The following ANTXR1 variants were observed in gnomAD, a reference collection of about 807,000 sequenced individuals.
ANTXR1 encodes anthrax toxin receptor 1.
Under a neutral mutation model 78.1 loss-of-function variants are expected in ANTXR1, and 19 were observed. The observed-to-expected ratio is 0.24, with a 90% CI of 0.17 to 0.36. ANTXR1 has a LOEUF of 0.36. ANTXR1 is among the 10% of genes least tolerant of loss of function. The probability of loss-of-function intolerance (pLI) is 1.00; values close to 1 mark genes in which losing one functional copy is unlikely to be tolerated. For synonymous variants in ANTXR1, 273 were observed against 260.5 expected, an observed-to-expected ratio of 1.05 and a Z score of -0.46; for missense variants, 518 against 718.6, an observed-to-expected ratio of 0.72 and a Z score of 3.19.
chr2:69,155,665 G>T (rs1457888449), intron 13 of ANTXR1, among the ~76,000 whole-genome samples: 1 of 152,128 alleles, frequency 6.6e-6, no homozygotes, highest in Non-Finnish European at 1.5e-5. Flanking sequence ...TGTGTAGGGG[G>T]GAAAGTCATC....
intron 14 of ANTXR1, among the ~76,000 whole-genome samples, chr2:69,178,084 G>A (rs1298214816): frequency 6.6e-6 from 1 of 152,226 alleles, no homozygotes; most frequent in African/African-American, 2.4e-5. Context: ...CAGTGTAGGA[G>A]GAAGATCTCA....
rs1353641030 is a variant in ANTXR1 at position 69,102,919 on chromosome 2, A to G, written c.781A>G (p.Ile261Val). The change falls in exon 10 of 18, where the codon ATC (isoleucine) becomes GTC (valine). Residue 261 changes from isoleucine (I) to valine (V), a missense_variant. Ile to Val is a conservative substitution (Grantham distance 29, BLOSUM62 3). Coordinates refer to ENST00000303714, the MANE Select transcript of ANTXR1 (RefSeq NM_032208.3). Reference sequence around the variant, plus strand: ...GGACAGGGTCCTCTGCAGCTTCAAGATCAATGACTCGGTCACACTCAGTAA... The same window carrying G: ...GGACAGGGTCCTCTGCAGCTTCAAGGTCAATGACTCGGTCACACTCAGTAA... The part of the protein sequence containing the change: ...NVDRVLCSFK[I>V]NDSVTLNEKP... 5 of 1,614,162 alleles carry G rather than the reference A, an allele frequency of 3.1e-6. No individual in the cohort carries two copies. In the South Asian group the frequency reaches 5.5e-5, roughly 18 times the overall value.
chr2:69,115,165 C>G (rs1672102215), intron 10 of ANTXR1, among the ~76,000 whole-genome samples: 1 of 152,236 alleles, frequency 6.6e-6, no homozygotes, highest in African/African-American at 2.4e-5. Context: ...GTAACCAAAA[C>G]TGCTCAGGCA....
At chr2:69,062,749 C>A (rs1558505164) in intron 3 of ANTXR1, among the ~76,000 whole-genome samples, 1 of 151,988 alleles carries the variant, frequency 6.6e-6, no homozygotes, top group Admixed American at 6.6e-5. Context: ...TTAATAGAAA[C>A]AAACCACAGA....
At chr2:69,162,661 C>T (rs928925616) in intron 13 of ANTXR1, among the ~76,000 whole-genome samples, 6 of 152,184 alleles carry the variant, frequency 3.9e-5, no homozygotes, top group African/African-American at 1.2e-4. Context: ...ATGGAAAGCA[C>T]AAAAGACCAG....
Position 69,221,771 on chromosome 2 carries a change from G to T in ANTXR1, c.1435-23454G>T, listed in dbSNP as rs76212535. 4.1e-4 allele frequency among the ~76,000 whole-genome samples: 62 copies of T among 152,112 alleles called. 2 individuals carry two copies. In the East Asian group the frequency reaches 8.7e-3, roughly 21 times the overall value. The stretch of plus-strand genomic sequence containing the variant: ...AATGATGAAATGTGGAAATAAATAT[G>T]TACTTTGCAAATAATAACAATGGCT... On this transcript the variant is annotated intron_variant, in intron 17 of 17. Transcript: ENST00000303714.
chr2:69,045,192 G>A (rs1207647146), intron 3 of ANTXR1, among the ~76,000 whole-genome samples: 1 of 152,170 alleles, frequency 6.6e-6, no homozygotes, highest in Non-Finnish European at 1.5e-5. Context: ...CAAGTGCACT[G>A]TGAGACAGGT....
chr2:69,194,640 G>A (rs1674620644), intron 17 of ANTXR1, among the ~76,000 whole-genome samples: 1 of 151,054 alleles, frequency 6.6e-6, no homozygotes, highest in African/African-American at 2.4e-5. Context: ...ATCACTTGAG[G>A]TCAGGAGTTC....
At chr2:69,190,185 T>C (rs1459265015) in intron 16 of ANTXR1, among the ~76,000 whole-genome samples, 2 of 151,260 alleles carry the variant, frequency 1.3e-5, no homozygotes, top group Non-Finnish European at 3.0e-5. Flanking sequence ...TGAGGGAGAG[T>C]GTGCAGGGGA....
rs1406615259 is a variant in ANTXR1 at position 69,124,619 on chromosome 2, T to C, written c.927T>C (p.Ser309=). ...MNDGLSFISS[S]VIITTTHCSD... ...ATGGCCTCTCTTTTATCTCCAGTTC[T>C]GTCATCATCACCACCACACACTGTG... is the stretch of plus-strand genomic sequence containing the variant. Residue 309 remains serine, a synonymous_variant, in exon 12 of 18, where the codon TCT becomes TCC. Transcript: ENST00000303714. 10 of 1,614,132 alleles carry C rather than the reference T, an allele frequency of 6.2e-6. No homozygotes were observed. The highest frequency in any genetic ancestry group is 8.5e-6 in the Non-Finnish European group (10 of 1,180,048).
chr2:69,137,369 A>C (rs1672939337), intron 12 of ANTXR1, among the ~76,000 whole-genome samples: 1 of 152,172 alleles, frequency 6.6e-6, no homozygotes, highest in Non-Finnish European at 1.5e-5. Context: ...CCTAGTCTCT[A>C]AGAACTTGAG....
At chr2:69,152,571 C>T (rs764199829) in intron 13 of ANTXR1, among the ~76,000 whole-genome samples, 4 of 152,050 alleles carry the variant, frequency 2.6e-5, no homozygotes, top group Non-Finnish European at 4.4e-5. Flanking sequence ...GAGTGTTATT[C>T]GACATGTAAT....
chr2:69,082,492 G>A lies in ANTXR1; in HGVS notation c.642+5004G>A, dbSNP rs539389479. ...GTGGCTTCTTCAGGGAATTTCCACC[G>A]ACCACAACTGGTGAATTTAGCACCA... On this transcript the variant is annotated intron_variant, in intron 8 of 17. Coordinates refer to ENST00000303714, the MANE Select transcript of ANTXR1 (RefSeq NM_032208.3). Among the ~76,000 whole-genome samples the A allele has an allele frequency of 6.6e-5, 10 of 152,130 alleles. No homozygotes were observed. In the South Asian group the frequency reaches 1.5e-3, roughly 22 times the overall value.
At chr2:69,115,530 A>G (rs747566750) in intron 10 of ANTXR1, among the ~76,000 whole-genome samples, 1 of 152,226 alleles carries the variant, frequency 6.6e-6, no homozygotes, top group Non-Finnish European at 1.5e-5. Flanking sequence ...TGAGTTATGA[A>G]TAGAGTGAAA....
chr2:69,244,731 T>A (rs1019142077), intron 17 of ANTXR1, among the ~76,000 whole-genome samples: 1 of 152,234 alleles, frequency 6.6e-6, no homozygotes, highest in Non-Finnish European at 1.5e-5. Flanking sequence ...CTTTTGTTTA[T>A]GAAATATGAG....
chr2:69,093,383 A>T (rs1671299372), intron 9 of ANTXR1, among the ~76,000 whole-genome samples: 1 of 152,224 alleles, frequency 6.6e-6, no homozygotes, highest in Non-Finnish European at 1.5e-5. Context: ...AATCTCCACC[A>T]CTTAGACAAT....
intron 17 of ANTXR1, among the ~76,000 whole-genome samples, chr2:69,230,144 C>A (rs1435367736): frequency 6.6e-6 from 1 of 151,656 alleles, no homozygotes; most frequent in Non-Finnish European, 1.5e-5. Context: ...GATCACTTTT[C>A]CTAAATCTCC....
chr2:69,058,179 T>C (rs933215303), intron 3 of ANTXR1, among the ~76,000 whole-genome samples: 1 of 152,210 alleles, frequency 6.6e-6, no homozygotes, highest in Non-Finnish European at 1.5e-5. Flanking sequence ...AAGATTTAGC[T>C]AAGATCGTTG....
In ANTXR1 at chr2:69,235,774, CAA is replaced by C. The variant is rs199596838; in HGVS notation, c.1435-9436_1435-9435del. 2.2e-3 allele frequency among the ~76,000 whole-genome samples: 276 copies of C among 124,570 alleles called. 1 individual carries two copies. Among genetic ancestry groups the C allele is most frequent in the Admixed American group, 5.9e-3 (73 of 12,280 alleles). 81.7% of individuals were successfully genotyped at this position (124,570 alleles called of 152,430 possible). ...CAGTAAAATTTTAAAAATCACAAAC[CAA>C]AAAAAAAAAAAAAATAGCTTACATA... On this transcript the variant is annotated intron_variant, in intron 17 of 17. Coordinates refer to ENST00000303714, the MANE Select transcript of ANTXR1 (RefSeq NM_032208.3).
Sources: allele counts gnomAD v4.1 joint callset (sites outside exome capture counted in the v4.1 genomes callset), GRCh38; gene constraint gnomAD v4.1.1; transcripts MANE v1.5; gene names NCBI Gene and HGNC (gene_info 2026-07-23, HGNC 2026-07-21).